Variants in SLC35F1 observed in about 807,000 individuals in gnomAD.
SLC35F1 encodes the protein chromosome 6 open reading frame 169.
In SLC35F1, 14 loss-of-function variants were observed where a neutral mutation model predicts 48.7. That is an observed-to-expected ratio of 0.29 (90% CI 0.19 to 0.45). SLC35F1 has a LOEUF of 0.45. SLC35F1 is among the 20% of genes least tolerant of loss of function. The pLI is 1.00. For synonymous variants in SLC35F1, 190 were observed against 202.2 expected, an observed-to-expected ratio of 0.94 and a Z score of 0.51; for missense variants, 404 against 500.0, an observed-to-expected ratio of 0.81 and a Z score of 1.83.
intron 1 of SLC35F1, among the ~76,000 whole-genome samples, chr6:118,093,265 G>A (rs1172415356): frequency 6.6e-6 from 1 of 151,990 alleles, no homozygotes; most frequent in East Asian, 1.9e-4. Flanking sequence ...GCAGTGAGTG[G>A]AGATTGCGCC....
chr6:118,179,258 C>G (rs1291625371), intron 2 of SLC35F1, among the ~76,000 whole-genome samples: 3 of 152,186 alleles, frequency 2.0e-5, no homozygotes, highest in Admixed American at 6.5e-5. Flanking sequence ...CATCTGCAAG[C>G]TGGAGAACTA....
At chr6:117,977,936 T>C (rs910130693) in intron 1 of SLC35F1, among the ~76,000 whole-genome samples, 1 of 152,154 alleles carries the variant, frequency 6.6e-6, no homozygotes, top group South Asian at 2.1e-4. Flanking sequence ...GTTGGAATAA[T>C]AAATATTAAG....
At chr6:117,972,257 T>C (rs1381262389) in intron 1 of SLC35F1, among the ~76,000 whole-genome samples, 3 of 152,354 alleles carry the variant, frequency 2.0e-5, no homozygotes, top group African/African-American at 7.2e-5. Context: ...CACCTCAGCC[T>C]GGACTTGATT....
intron 2 of SLC35F1, among the ~76,000 whole-genome samples, chr6:118,210,487 A>G (rs185491304): frequency 6.6e-6 from 1 of 152,362 alleles, no homozygotes; most frequent in East Asian, 1.9e-4. Context: ...GAGTAGAAAA[A>G]CTGAAGGGTA....
chr6:117,976,530 T>C (rs561084289), intron 1 of SLC35F1, among the ~76,000 whole-genome samples: 2,748 of 127,742 alleles, frequency 0.022, 88 homozygotes, highest in African/African-American at 0.073. Context: ...AGATGATAAA[T>C]AAAGAGTTGC....
intron 1 of SLC35F1, among the ~76,000 whole-genome samples, chr6:118,096,976 ATCT>A (rs1457247311): frequency 2.6e-5 from 4 of 152,046 alleles, no homozygotes; most frequent in African/African-American, 9.7e-5. Context: ...CCTCTTCTTC[ATCT>A]TCTTTACCTC....
At chr6:118,022,951 G>A (rs1219286246) in intron 1 of SLC35F1, among the ~76,000 whole-genome samples, 1 of 151,866 alleles carries the variant, frequency 6.6e-6, no homozygotes, top group Non-Finnish European at 1.5e-5. Context: ...GTAGAGACGG[G>A]GTTTCACCGT....
At chr6:118,205,306 A>G (rs1774921319) in intron 2 of SLC35F1, among the ~76,000 whole-genome samples, 1 of 152,166 alleles carries the variant, frequency 6.6e-6, no homozygotes, top group Admixed American at 6.5e-5. Context: ...AACAAAATGG[A>G]AAAAGGACTT....
intron 2 of SLC35F1, among the ~76,000 whole-genome samples, chr6:118,218,747 G>T (rs1775107229): frequency 6.6e-6 from 1 of 152,136 alleles, no homozygotes; most frequent in African/African-American, 2.4e-5. Context: ...GTTCCCAAGG[G>T]TTCATCTCAC....
rs887437824 is a variant in SLC35F1, at chr6:117,907,667, A to G, written c.-60A>G. 2.8e-6 allele frequency: 3 copies of G among 1,057,314 alleles called. No homozygotes were observed. The highest frequency in any genetic ancestry group is 3.9e-6 in the Non-Finnish European group (3 of 768,524). The allele number at this position is 1,057,314 out of a possible 1,614,324, so 65.5% of individuals were successfully genotyped here. A position where few individuals can be genotyped will look rare whatever the true frequency, so the allele number is the denominator to read the frequency against. On this transcript the variant is annotated 5_prime_UTR_variant, in exon 1 of 8. Coordinates refer to ENST00000360388, the MANE Select transcript of SLC35F1 (RefSeq NM_001029858.4). Reference sequence around the variant, plus strand: ...TCCTCTGCGCGTTCCCGGGCCCGGAACCGGCACACGATGCACCCGGCTGCG... The same window carrying G: ...TCCTCTGCGCGTTCCCGGGCCCGGAGCCGGCACACGATGCACCCGGCTGCG...
intron 1 of SLC35F1, among the ~76,000 whole-genome samples, chr6:118,073,575 T>A (rs1772772944): frequency 6.6e-6 from 1 of 152,236 alleles, no homozygotes; most frequent in African/African-American, 2.4e-5. Flanking sequence ...AAATGCTGTC[T>A]ATATACTTAG....
At chr6:118,311,705 C>T (rs766021151) in intron 7 of SLC35F1, among the ~76,000 whole-genome samples, 1 of 152,114 alleles carries the variant, frequency 6.6e-6, no homozygotes, top group Non-Finnish European at 1.5e-5. Context: ...GTGGGAGGAT[C>T]ACATGATTCT....
At chr6:117,976,087 A>C (rs1776701878) in intron 1 of SLC35F1, among the ~76,000 whole-genome samples, 2 of 152,310 alleles carry the variant, frequency 1.3e-5, no homozygotes, top group East Asian at 3.9e-4. Context: ...AATCTAAATA[A>C]TCAGGAATTC....
chr6:118,057,401 G>A (rs1175158356), intron 1 of SLC35F1, among the ~76,000 whole-genome samples: 2 of 152,160 alleles, frequency 1.3e-5, no homozygotes, highest in African/African-American at 2.4e-5. Context: ...CAGTGACCTT[G>A]ATGGTCCCAA....
chr6:118,248,295 T>C (rs1025523853), intron 3 of SLC35F1, among the ~76,000 whole-genome samples: 2 of 152,212 alleles, frequency 1.3e-5, no homozygotes, highest in South Asian at 2.1e-4. Flanking sequence ...GTAAGCAGAA[T>C]AATGGCCCTC....
chr6:117,986,018 T>A (rs1380360457), intron 1 of SLC35F1, among the ~76,000 whole-genome samples: 1 of 152,222 alleles, frequency 6.6e-6, no homozygotes, highest in African/African-American at 2.4e-5. Flanking sequence ...GCTAGGCAGC[T>A]ATGTTTTCAT....
At chr6:118,242,807 G>A (rs752336931) in intron 3 of SLC35F1, among the ~76,000 whole-genome samples, 1 of 152,116 alleles carries the variant, frequency 6.6e-6, no homozygotes, top group Non-Finnish European at 1.5e-5. Context: ...CTTCAAACAC[G>A]ATAGTTTGGT....
chr6:118,080,503 C>T lies in SLC35F1; in HGVS notation c.174-73942C>T, dbSNP rs145180010. Among the ~76,000 whole-genome samples, 734 of 152,070 alleles carry T rather than the reference C, an allele frequency of 4.8e-3. 5 individuals are homozygous for T. Among genetic ancestry groups the T allele is most frequent in the African/African-American group, 0.016 (649 of 41,452 alleles). ...CTTTGATCCCTGTCTTAAAATAGTA[C>T]GATAAAGGTAAAGAATGATAAATTG... On this transcript the variant is annotated intron_variant, in intron 1 of 7. Coordinates refer to ENST00000360388, the MANE Select transcript of SLC35F1 (RefSeq NM_001029858.4).
chr6:118,104,001 T>C (rs1014582532), intron 1 of SLC35F1, among the ~76,000 whole-genome samples: 3 of 152,172 alleles, frequency 2.0e-5, no homozygotes, highest in Admixed American at 2.0e-4. Flanking sequence ...TTCATATTCC[T>C]TCACAAGAAT....
Sources: allele counts gnomAD v4.1 joint callset (sites outside exome capture counted in the v4.1 genomes callset), GRCh38; gene constraint gnomAD v4.1.1; transcripts MANE v1.5; gene names NCBI Gene and HGNC (gene_info 2026-07-23, HGNC 2026-07-21).